PLA2R1: variants seen among roughly 807,000 people sequenced by gnomAD.
The protein encoded by PLA2R1 is secretory phospholipase A2 receptor.
Under a neutral mutation model 195.9 loss-of-function variants are expected in PLA2R1, and 158 were observed. That is an observed-to-expected ratio of 0.81 (90% confidence interval 0.71 to 0.92). The LOEUF is 0.92. PLA2R1 is among the 40% of genes least tolerant of loss of function. The pLI is 0.00. For missense variants in PLA2R1, 1,626 were observed against 1,764.6 expected, an observed-to-expected ratio of 0.92 and a Z score of 1.41; for synonymous variants, 586 against 598.2, an observed-to-expected ratio of 0.98 and a Z score of 0.30.
intron 12 of PLA2R1, among the ~76,000 whole-genome samples, chr2:159,986,567 C>T (rs1358586980): frequency 1.3e-5 from 2 of 151,468 alleles, no homozygotes; most frequent in African/African-American, 2.4e-5. Flanking sequence ...TTAATATTAG[C>T]GCATGCTATT....
chr2:159,949,919 A>T (rs1403412504), intron 24 of PLA2R1, 143 bp from the exon 25 acceptor site: 8 of 617,394 alleles, frequency 1.3e-5, no homozygotes, highest in Non-Finnish European at 2.0e-5. Flanking sequence ...CTGTGAATAC[A>T]GCTTGACAAA....
chr2:160,035,862 T>C (rs1239321984), intron 3 of PLA2R1, among the ~76,000 whole-genome samples: 1 of 152,210 alleles, frequency 6.6e-6, no homozygotes, highest in Non-Finnish European at 1.5e-5. Flanking sequence ...CAATGACCCC[T>C]GTGTTGCCAA....
chr2:160,040,025 G>C (rs1281763766), intron 3 of PLA2R1, among the ~76,000 whole-genome samples: 1 of 151,636 alleles, frequency 6.6e-6, no homozygotes, highest in African/African-American at 2.4e-5. Context: ...TCATTTATTT[G>C]GTTTTAATAA....
At chr2:160,038,592 A>C (rs1473810462) in intron 3 of PLA2R1, among the ~76,000 whole-genome samples, 2 of 152,218 alleles carry the variant, frequency 1.3e-5, no homozygotes, top group Non-Finnish European at 2.9e-5. Flanking sequence ...GTAGGCTTAA[A>C]GGTGAGAGAG....
chr2:160,016,965 G>A (rs1692815210), intron 8 of PLA2R1, among the ~76,000 whole-genome samples: 2 of 152,142 alleles, frequency 1.3e-5, no homozygotes, highest in African/African-American at 4.8e-5. Context: ...AACAACTGGT[G>A]CTTCTTGATA....
intron 23 of PLA2R1, among the ~76,000 whole-genome samples, chr2:159,954,357 A>C (rs1264381677): frequency 6.6e-6 from 1 of 151,530 alleles, no homozygotes; most frequent in Non-Finnish European, 1.5e-5. Context: ...ATCTAGTATC[A>C]TTTTTTCAGT....
Position 159,987,332 on chromosome 2 carries a change from G to C in PLA2R1, c.1861C>G (p.Arg621Gly), listed in dbSNP as rs986365099. The change falls in exon 12 of 30, where the codon CGA (arginine) becomes GGA (glycine). Residue 621 changes from arginine (R) to glycine (G), a missense_variant. Arg to Gly is a moderately radical substitution (Grantham distance 125). Coordinates refer to ENST00000283243, the MANE Select transcript of PLA2R1 (RefSeq NM_007366.5). ...PRYSGGCVAM[R>G]GRHPLGRWEV... ...CAGCGACCAAGTGGATGCCTTCCTC[G>C]CATGGCAACACAGCCACCACTGTAG... The C allele has an allele frequency of 3.1e-6, 5 of 1,611,446 alleles. No individual in the cohort carries two copies. Among genetic ancestry groups the C allele is most frequent in the Non-Finnish European group, 4.2e-6 (5 of 1,179,584 alleles).
At chr2:159,987,878 G>A (rs769108687) in intron 11 of PLA2R1, among the ~76,000 whole-genome samples, 9 of 152,234 alleles carry the variant, frequency 5.9e-5, no homozygotes, top group Non-Finnish European at 1.2e-4. Flanking sequence ...GTAAAGATCC[G>A]GGGGCAGGGA....
At chr2:159,957,121 A>G (rs1688142733) in intron 20 of PLA2R1, among the ~76,000 whole-genome samples, 1 of 152,220 alleles carries the variant, frequency 6.6e-6, no homozygotes, top group African/African-American at 2.4e-5. Context: ...TACTTGAGTC[A>G]GCCATTTGGT....
At chr2:159,990,529 T>A (rs558912913) in intron 11 of PLA2R1, among the ~76,000 whole-genome samples, 1 of 152,218 alleles carries the variant, frequency 6.6e-6, no homozygotes, top group African/African-American at 2.4e-5. Context: ...CACTTGAGTC[T>A]GCCTGCTTAT....
Position 159,934,709 on chromosome 2 carries a change from G to A in PLA2R1, c.*7069C>T, listed in dbSNP as rs141379841. The A allele has an allele frequency of 1.3e-5, 2 of 152,036 alleles. No homozygotes were observed. Among genetic ancestry groups the A allele is most frequent in the Non-Finnish European group, 2.9e-5 (2 of 68,000 alleles). The allele number at this position is 152,036 out of a possible 1,614,324, so 9.4% of individuals were successfully genotyped here. A position where few individuals can be genotyped will look rare whatever the true frequency, so the allele number is the denominator to read the frequency against. On this transcript the variant is annotated 3_prime_UTR_variant, in exon 30 of 30. Coordinates refer to ENST00000283243, the MANE Select transcript of PLA2R1 (RefSeq NM_007366.5). ...ACTTTTTATATTGAAATGATTTTAG[G>A]TTTACAGAAAAATTGCCAACTTAGT...
intron 10 of PLA2R1, among the ~76,000 whole-genome samples, chr2:160,009,817 T>G (rs1692237063): frequency 6.6e-6 from 1 of 152,126 alleles, no homozygotes. Flanking sequence ...TAATGCACAT[T>G]TAAGCTTAGG....
chr2:159,991,419 A>G (rs1012285077), intron 11 of PLA2R1, among the ~76,000 whole-genome samples: 7 of 150,216 alleles, frequency 4.7e-5, no homozygotes, highest in Admixed American at 1.3e-4. Context: ...GACAGGCTGA[A>G]AGTGCAGGGC....
At chr2:159,931,727 A>G (rs1686597958), downstream of PLA2R1, among the ~76,000 whole-genome samples, 1 of 152,126 alleles carries the variant, frequency 6.6e-6, no homozygotes, top group Non-Finnish European at 1.5e-5. Flanking sequence ...TTTCAGAGAC[A>G]GGGTTTCATT....
chr2:160,018,428 A>G (rs1175472476), intron 8 of PLA2R1, among the ~76,000 whole-genome samples: 1 of 152,224 alleles, frequency 6.6e-6, no homozygotes, highest in East Asian at 1.9e-4. Context: ...AAAGTCCAGG[A>G]GTCTGAGACC....
intron 3 of PLA2R1, among the ~76,000 whole-genome samples, chr2:160,034,287 T>C (rs917140607): frequency 6.6e-6 from 1 of 152,158 alleles, no homozygotes; most frequent in African/African-American, 2.4e-5. Flanking sequence ...AAATCACATA[T>C]AAATCTAAGG....
chr2:160,039,944 T>C (rs928103408), intron 3 of PLA2R1, among the ~76,000 whole-genome samples: 1 of 142,284 alleles, frequency 7.0e-6, no homozygotes, highest in East Asian at 2.0e-4. Context: ...AAGAAGAATA[T>C]TGTAGTTTTT....
chr2:160,029,980 C>T (rs1190018942), intron 4 of PLA2R1, among the ~76,000 whole-genome samples: 4 of 152,250 alleles, frequency 2.6e-5, no homozygotes, highest in Admixed American at 2.0e-4. Flanking sequence ...ACAGGGTGAC[C>T]GTATGCCCCC....
chr2:159,977,467 T>C (rs1335962507), intron 14 of PLA2R1, 51 bp from the exon 15 acceptor site: 2 of 1,580,470 alleles, frequency 1.3e-6, no homozygotes, highest in Non-Finnish European at 1.7e-6. Flanking sequence ...CCCACAAAGT[T>C]TCAAAAGATC....
Sources: allele counts gnomAD v4.1 joint callset (sites outside exome capture counted in the v4.1 genomes callset), GRCh38; gene constraint gnomAD v4.1.1; transcripts MANE v1.5; gene names NCBI Gene and HGNC (gene_info 2026-07-23, HGNC 2026-07-21).